The following NCAM2 variants were observed in gnomAD, a reference collection of about 807,000 sequenced individuals.
NCAM2 encodes the protein neural cell adhesion molecule 2, also known as N-CAM-2.
NCAM2 carries 30 observed loss-of-function variants against 98.1 expected under a neutral mutation model. That is an observed-to-expected ratio of 0.31 (90% confidence interval 0.23 to 0.41). The LOEUF is 0.41. Among genes scored for constraint, NCAM2 ranks in the 10% least tolerant of loss-of-function variants. NCAM2 has a pLI of 1.00. For missense variants in NCAM2, 867 were observed against 1,005.8 expected (o/e 0.86, Z 1.87); for synonymous variants, 368 against 342.4 (o/e 1.07, Z -0.83).
intron 1 of NCAM2, among the ~76,000 whole-genome samples, chr21:21,278,229 G>T (rs749606598): frequency 6.6e-6 from 1 of 151,478 alleles, no homozygotes; most frequent in African/African-American, 2.4e-5. Context: ...ACATTCTCAA[G>T]TCTTCTCAAT....
intron 9 of NCAM2, among the ~76,000 whole-genome samples, chr21:21,389,122 C>T (rs1413617075): frequency 6.6e-6 from 1 of 152,100 alleles, no homozygotes; most frequent in African/African-American, 2.4e-5. Flanking sequence ...GTAGACTGGT[C>T]ATTTATAAAA....
intron 1 of NCAM2, among the ~76,000 whole-genome samples, chr21:21,197,469 T>C (rs1417500666): frequency 6.6e-6 from 1 of 152,138 alleles, no homozygotes; most frequent in African/African-American, 2.4e-5. Flanking sequence ...AGGTGTTTCT[T>C]TGTAGCTGTG....
chr21:21,435,350 C>G (rs1978297369), intron 12 of NCAM2, among the ~76,000 whole-genome samples: 1 of 152,164 alleles, frequency 6.6e-6, no homozygotes, highest in Non-Finnish European at 1.5e-5. Context: ...TATCTCTCCT[C>G]TCATCTCTTG....
intron 1 of NCAM2, among the ~76,000 whole-genome samples, chr21:21,074,567 G>A (rs1382329212): frequency 1.3e-5 from 2 of 152,106 alleles, no homozygotes; most frequent in South Asian, 2.1e-4. Context: ...TAGACCCCAC[G>A]TCAATGTGCT....
intron 1 of NCAM2, among the ~76,000 whole-genome samples, chr21:21,018,110 A>G (rs900687989): frequency 6.6e-6 from 1 of 152,182 alleles, no homozygotes; most frequent in African/African-American, 2.4e-5. Flanking sequence ...CATTATTCAC[A>G]CTTCGTATAA....
intron 6 of NCAM2, among the ~76,000 whole-genome samples, chr21:21,332,159 C>T (rs1327318346): frequency 6.6e-6 from 1 of 151,816 alleles, no homozygotes; most frequent in Non-Finnish European, 1.5e-5. Flanking sequence ...CTGCCCGCCT[C>T]GGCCTCCCAA....
At chr21:21,182,890 A>G (rs528179123) in intron 1 of NCAM2, among the ~76,000 whole-genome samples, 1 of 152,174 alleles carries the variant, frequency 6.6e-6, no homozygotes, top group Non-Finnish European at 1.5e-5. Context: ...TGTTCTATGG[A>G]ACATTTGCTC....
In NCAM2 at chr21:21,425,405, A is replaced by C. The variant is rs576255168; in HGVS notation, c.1481-6703A>C. ...TCTAAATTGAATGTTTGAATGGTTC[A>C]TTGTGTTATATTTGATTTGCTTATG... On this transcript the variant is annotated intron_variant, in intron 11 of 17. Coordinates refer to ENST00000400546, the MANE Select transcript of NCAM2 (RefSeq NM_004540.5). Among the ~76,000 whole-genome samples, 4 of 152,222 alleles carry C rather than the reference A, an allele frequency of 2.6e-5. No homozygotes were observed. In the East Asian group the frequency reaches 7.7e-4, roughly 29 times the overall value.
At chr21:21,161,412 A>G (rs2067778438) in intron 1 of NCAM2, among the ~76,000 whole-genome samples, 1 of 151,606 alleles carries the variant, frequency 6.6e-6, no homozygotes, top group Admixed American at 6.6e-5. Flanking sequence ...TTTCAGATTA[A>G]GCAATTGTGT....
chr21:21,459,944 C>T (rs982004286), intron 12 of NCAM2, among the ~76,000 whole-genome samples: 2 of 151,794 alleles, frequency 1.3e-5, no homozygotes, highest in African/African-American at 4.8e-5. Flanking sequence ...TGTACAAATA[C>T]AAACATATTA....
At chr21:21,300,683 G>T (rs531163538) in intron 5 of NCAM2, among the ~76,000 whole-genome samples, 28 of 152,066 alleles carry the variant, frequency 1.8e-4, no homozygotes, top group African/African-American at 6.7e-4. Flanking sequence ...CATACAGGAG[G>T]CGGTCTATAA....
At chr21:21,331,148 TTTTA>T (rs1192304526) in intron 6 of NCAM2, among the ~76,000 whole-genome samples, 2 of 151,970 alleles carry the variant, frequency 1.3e-5, no homozygotes, top group Non-Finnish European at 2.9e-5. Context: ...CTCCCTCTTG[TTTTA>T]TTTATTTTTT....
At position 21,480,594 on chromosome 21, in the gene NCAM2, A is replaced by G. The variant is rs73326840; in HGVS notation, c.2077+3123A>G. On this transcript the variant is annotated intron_variant, in intron 15 of 17. Transcript: ENST00000400546. ...AGATAAGGTCAGAGAGGGAATGCAA[A>G]CCAGATAATTCAAGGGCTTTTAAAA... Among the ~76,000 whole-genome samples the G allele has an allele frequency of 5.6e-3, 858 of 152,238 alleles. 7 individuals carry two copies. Among genetic ancestry groups the G allele is most frequent in the African/African-American group, 0.02 (824 of 41,538 alleles).
At chr21:21,470,971 C>T (rs576308059) in intron 14 of NCAM2, among the ~76,000 whole-genome samples, 1 of 151,736 alleles carries the variant, frequency 6.6e-6, no homozygotes, top group South Asian at 2.1e-4. Context: ...TGTAATTAAT[C>T]AAATATAAAG....
At position 21,155,761 on chromosome 21, in the gene NCAM2, T is replaced by C. The variant is rs118136747; in HGVS notation, c.56-124817T>C. 1.0e-2 allele frequency among the ~76,000 whole-genome samples: 1,517 copies of C among 152,088 alleles called. 63 individuals are homozygous for C. The East Asian group carries it at 0.15, about 15-fold the overall frequency. ...TAATTGCAGCACAATTTAGTTTGAC[T>C]GTATTTTTACAAATTAAATGAGATA... On this transcript the variant is annotated intron_variant, in intron 1 of 17. Transcript: ENST00000400546.
chr21:21,362,965 C>G (rs538597255), intron 8 of NCAM2, among the ~76,000 whole-genome samples: 1 of 152,076 alleles, frequency 6.6e-6, no homozygotes, highest in South Asian at 2.1e-4. Flanking sequence ...CATTTAATTC[C>G]GAAGTTCACT....
At chr21:21,354,518 A>T (rs981493798) in intron 8 of NCAM2, among the ~76,000 whole-genome samples, 1 of 152,220 alleles carries the variant, frequency 6.6e-6, no homozygotes, top group Non-Finnish European at 1.5e-5. Context: ...CAAAATATAC[A>T]GTACAATTGT....
chr21:21,063,351 G>T (rs920483023), intron 1 of NCAM2, among the ~76,000 whole-genome samples: 3 of 150,304 alleles, frequency 2.0e-5, no homozygotes, highest in Non-Finnish European at 4.4e-5. Context: ...CTCCTGAGTA[G>T]CTGGGTCTAC....
chr21:21,489,206 G>A (rs374018399), intron 15 of NCAM2, among the ~76,000 whole-genome samples: 1 of 152,188 alleles, frequency 6.6e-6, no homozygotes, highest in East Asian at 1.9e-4. Context: ...TGTTGGCCAG[G>A]CTGGTCTCGA....
Sources: gnomAD v4.1 joint callset for allele counts (sites outside exome capture counted in the v4.1 genomes callset) on GRCh38, gnomAD v4.1.1 for gene constraint, MANE v1.5 for transcripts, NCBI Gene and HGNC (gene_info 2026-07-23, HGNC 2026-07-21) for gene names.